Variants in ADAMTS5 observed in about 807,000 individuals in gnomAD.
ADAMTS5 encodes ADAM metallopeptidase with thrombospondin type 1 motif 5.
Under a neutral mutation model 81.4 loss-of-function variants are expected in ADAMTS5, and 54 were observed. That is an observed-to-expected ratio of 0.66 (90% CI 0.53 to 0.83). The LOEUF is 0.83. ADAMTS5 is among the 40% of genes least tolerant of loss of function. ADAMTS5 has a pLI of 0.00. For synonymous variants in ADAMTS5, 532 were observed against 508.8 expected, an observed-to-expected ratio of 1.05 and a Z score of -0.61; for missense variants, 1,194 against 1,229.9, an observed-to-expected ratio of 0.97 and a Z score of 0.44.
In ADAMTS5 at chr21:26,922,898, AC is replaced by A. The variant is rs1310002480; in HGVS notation, c.*1154del. On this transcript the variant is annotated 3_prime_UTR_variant, in exon 8 of 8. Coordinates refer to ENST00000284987, the MANE Select transcript of ADAMTS5 (RefSeq NM_007038.5). The stretch of plus-strand genomic sequence containing the variant: ...GGCATTAACCACATTAACAATGATA[AC>A]CACTTCTCAATGTGGCTAACTACCA... 6.6e-6 allele frequency: 1 copy of A among 152,630 alleles called. No individual in the cohort carries two copies. Among genetic ancestry groups the A allele is most frequent in the East Asian group, 1.9e-4 (1 of 5,194 alleles). 9.5% of individuals were successfully genotyped at this position (152,630 alleles called of 1,614,324 possible). A position where few individuals can be genotyped will look rare whatever the true frequency, so the allele number is the denominator to read the frequency against.
intron 1 of ADAMTS5, among the ~76,000 whole-genome samples, chr21:26,955,953 T>A (rs1314981588): frequency 6.6e-6 from 1 of 152,236 alleles, no homozygotes; most frequent in African/African-American, 2.4e-5. Flanking sequence ...GTTTCTATTA[T>A]ACAACAATCA....
At chr21:26,940,193 AGG>A (rs905418734) in intron 3 of ADAMTS5, among the ~76,000 whole-genome samples, 4 of 150,778 alleles carry the variant, frequency 2.7e-5, no homozygotes, top group Non-Finnish European at 5.9e-5. Context: ...TGAAGGTGAG[AGG>A]GGGTGGGGTA....
At chr21:26,935,796 T>C (rs1987003483) in intron 3 of ADAMTS5, among the ~76,000 whole-genome samples, 1 of 152,252 alleles carries the variant, frequency 6.6e-6, no homozygotes, top group African/African-American at 2.4e-5. Flanking sequence ...AATTTTCTTT[T>C]GTCACCCACA....
intron 2 of ADAMTS5, among the ~76,000 whole-genome samples, chr21:26,952,882 CTGAG>C (rs1466613723): frequency 6.6e-6 from 1 of 152,156 alleles, no homozygotes; most frequent in East Asian, 1.9e-4. Flanking sequence ...TTACATCCTC[CTGAG>C]TATTTGGACT....
Position 26,921,659 on chromosome 21 carries a change from ATCT to A in ADAMTS5, c.*2391_*2393del, listed in dbSNP as rs929584493. On this transcript the variant is annotated 3_prime_UTR_variant, in exon 8 of 8. Transcript: ENST00000284987. Reference sequence around the variant, plus strand: ...TGAATTTCAGTTTCCAATCCATATCATCTTCTCCAGGAATTTAGACATACATTC... The same window carrying A: ...TGAATTTCAGTTTCCAATCCATATCATCTCCAGGAATTTAGACATACATTC... The A allele has an allele frequency of 6.6e-6, 1 of 152,422 alleles. No individual in the cohort carries two copies. The highest frequency in any genetic ancestry group is 2.4e-5 in the African/African-American group (1 of 41,414). 9.4% of individuals were successfully genotyped at this position (152,422 alleles called of 1,614,324 possible).
rs968711761 is a variant in ADAMTS5, at chr21:26,966,548, C to A, written c.-157G>T. 27 of 629,836 alleles carry A rather than the reference C, an allele frequency of 4.3e-5. No homozygotes were observed. The African/African-American group carries it at 5.1e-4, about 12-fold the overall frequency. 39.0% of individuals were successfully genotyped at this position (629,836 alleles called of 1,614,324 possible). ...GAGGGGGGCCCGGCAGCAGCGCCAGCCTGTCCGGGCTGCGGTGCCAGCGTG... is the reference window on the plus strand; with the variant it reads ...GAGGGGGGCCCGGCAGCAGCGCCAGACTGTCCGGGCTGCGGTGCCAGCGTG... On this transcript the variant is annotated 5_prime_UTR_variant, in exon 1 of 8. Coordinates refer to ENST00000284987, the MANE Select transcript of ADAMTS5 (RefSeq NM_007038.5).
Position 26,943,565 on chromosome 21 carries a change from G to C in ADAMTS5, c.1238-18C>G. Reference sequence around the variant, plus strand: ...TAAATGTCCTAAGGGAGACAACAGAGGAAGTACAAATAATCCGTGATTGTG... The same window carrying C: ...TAAATGTCCTAAGGGAGACAACAGACGAAGTACAAATAATCCGTGATTGTG... On this transcript the variant is annotated intron_variant, in intron 2 of 7. Coordinates refer to ENST00000284987, the MANE Select transcript of ADAMTS5 (RefSeq NM_007038.5). 1 of 1,603,214 alleles carries C rather than the reference G, an allele frequency of 6.2e-7. No homozygotes were observed. The highest frequency in any genetic ancestry group is 8.5e-7 in the Non-Finnish European group (1 of 1,173,832).
At chr21:26,942,738 T>C (rs1987137387) in intron 3 of ADAMTS5, among the ~76,000 whole-genome samples, 1 of 152,192 alleles carries the variant, frequency 6.6e-6, no homozygotes, top group Non-Finnish European at 1.5e-5. Flanking sequence ...ATAAAGTATG[T>C]TGTGCTCTTG....
intron 3 of ADAMTS5, among the ~76,000 whole-genome samples, chr21:26,937,082 A>G (rs1016118521): frequency 1.3e-5 from 2 of 152,258 alleles, no homozygotes; most frequent in Non-Finnish European, 2.9e-5. Context: ...GTGCATGCAC[A>G]TGGCATGGAT....
Position 26,930,107 on chromosome 21 carries a change from T to G in ADAMTS5, c.2050-46A>C, listed in dbSNP as rs376806403. 8 of 1,587,958 alleles carry G rather than the reference T, an allele frequency of 5.0e-6. No homozygotes were observed. The African/African-American group carries it at 1.1e-4, about 21-fold the overall frequency. ...TAGGAGTGGGAAATGTTTGCATCAG[T>G]ATTTGCTCCTTTGGTCAACTAGTAA... On this transcript the variant is annotated intron_variant, in intron 6 of 7. Coordinates refer to ENST00000284987, the MANE Select transcript of ADAMTS5 (RefSeq NM_007038.5).
In ADAMTS5 at chr21:26,933,018, A is replaced by G; in HGVS notation, c.1716T>C (p.Ser572=). Residue 572 remains serine (S), a synonymous_variant, in exon 5 of 8, where the codon TCT becomes TCC. Coordinates refer to ENST00000284987, the MANE Select transcript of ADAMTS5 (RefSeq NM_007038.5). The part of the protein sequence containing the change: ...YSTSSHGNWG[S]WGSWGQCSRS... ...GAGAACACTGGCCCCAGGATCCCCA[A>G]GATCCCCAGTTGCCATGGCTTGACG... 1 of 1,613,506 alleles carries G rather than the reference A, an allele frequency of 6.2e-7. No homozygotes were observed. The highest frequency in any genetic ancestry group is 8.5e-7 in the Non-Finnish European group (1 of 1,179,864).
In ADAMTS5 at chr21:26,921,507, A is replaced by T. The variant is rs562238048; in HGVS notation, c.*2546T>A. The T allele has an allele frequency of 6.6e-6, 1 of 152,080 alleles. No homozygotes were observed. The highest frequency in any genetic ancestry group is 2.1e-4 in the South Asian group (1 of 4,814). The allele number at this position is 152,080 out of a possible 1,614,324, so 9.4% of individuals were successfully genotyped here. The stretch of plus-strand genomic sequence containing the variant: ...CATCCTGAATTCTAGACATTTTAAA[A>T]AATTCAAGATGCAACAATGGAAAGG... On this transcript the variant is annotated 3_prime_UTR_variant, in exon 8 of 8. Transcript: ENST00000284987.
intron 4 of ADAMTS5, 87 bp downstream of exon 4, chr21:26,934,379 C>T: frequency 6.7e-7 from 1 of 1,490,124 alleles, no homozygotes; most frequent in South Asian, 1.3e-5. Flanking sequence ...GAAAATAAAG[C>T]CTTCTGAGAA....
intron 3 of ADAMTS5, among the ~76,000 whole-genome samples, chr21:26,942,797 A>G (rs1431602014): frequency 6.6e-6 from 1 of 152,186 alleles, no homozygotes; most frequent in Non-Finnish European, 1.5e-5. Flanking sequence ...AAGTTCTTAA[A>G]GTGTTTTCCC....
Position 26,966,342 on chromosome 21 carries a change from AG to A in ADAMTS5, c.49del (p.Leu17TrpfsTer149), listed in dbSNP as rs1987672984. 6.6e-7 allele frequency: 1 copy of A among 1,504,182 alleles called. No homozygotes were observed. The highest frequency in any genetic ancestry group is 2.1e-5 in the Admixed American group (1 of 47,080). The allele number at this position is 1,504,182 out of a possible 1,614,324, so 93.2% of individuals were successfully genotyped here. ...TGTCGCGGCGGGGCCGACCGCGGCC[AG>A]GGGCAGGCGGAACGCGCACAGCAGC... is the stretch of plus-strand genomic sequence containing the variant. ...SLLLCAFRLPLAAVGPAATPA... is the reference protein window; with the variant it reads ...SLLLCAFRLPXAAVGPAATPA... On this transcript the variant is annotated frameshift_variant, in exon 1 of 8. Coordinates refer to ENST00000284987, the MANE Select transcript of ADAMTS5 (RefSeq NM_007038.5). LOFTEE classifies it high-confidence loss of function.
intron 3 of ADAMTS5, among the ~76,000 whole-genome samples, chr21:26,937,782 A>C (rs1987040777): frequency 6.6e-6 from 1 of 152,036 alleles, no homozygotes; most frequent in African/African-American, 2.4e-5. Flanking sequence ...TTTTTTTCTT[A>C]ATCTGTTTTA....
intron 3 of ADAMTS5, among the ~76,000 whole-genome samples, chr21:26,936,277 T>G (rs1987012108): frequency 6.6e-6 from 1 of 152,188 alleles, no homozygotes; most frequent in Non-Finnish European, 1.5e-5. Flanking sequence ...AGCTAACCTC[T>G]CCCTAATTTA....
intron 2 of ADAMTS5, among the ~76,000 whole-genome samples, chr21:26,949,621 C>G (rs1601013298): frequency 1.3e-5 from 2 of 152,228 alleles, no homozygotes; most frequent in East Asian, 3.9e-4. Context: ...CACACATGTG[C>G]TAGATAATCT....
In ADAMTS5 at chr21:26,918,118, C is replaced by G. The variant is rs1412082318; in HGVS notation, c.*5935G>C. 2 of 152,334 alleles carry G rather than the reference C, an allele frequency of 1.3e-5. No homozygotes were observed. The highest frequency in any genetic ancestry group is 2.9e-5 in the Non-Finnish European group (2 of 67,904). The allele number at this position is 152,334 out of a possible 1,614,324, so 9.4% of individuals were successfully genotyped here. On this transcript the variant is annotated 3_prime_UTR_variant, in exon 8 of 8. Transcript: ENST00000284987. The stretch of plus-strand genomic sequence containing the variant: ...CAGAGCTGTTGTGGAATGCAGGCTA[C>G]AAGACACAGTAATGCTTTAAATAGT...
Sources: gnomAD v4.1 joint callset for allele counts (sites outside exome capture counted in the v4.1 genomes callset) on GRCh38, gnomAD v4.1.1 for gene constraint, MANE v1.5 for transcripts, NCBI Gene and HGNC (gene_info 2026-07-23, HGNC 2026-07-21) for gene names.